Variants in SLC28A1 observed in about 807,000 individuals in gnomAD.
The protein encoded by SLC28A1 is sodium/nucleoside cotransporter 1.
A neutral mutation model predicts 74.8 loss-of-function variants in SLC28A1; 64 were observed. The observed-to-expected ratio is 0.86, with a 90% CI of 0.70 to 1.05. SLC28A1 has a LOEUF of 1.05. SLC28A1 is among the 50% of genes least tolerant of loss of function. The pLI is 0.00. For missense variants in SLC28A1, 828 were observed against 822.8 expected, an observed-to-expected ratio of 1.01 and a Z score of -0.08; for synonymous variants, 359 against 335.0, an observed-to-expected ratio of 1.07 and a Z score of -0.78.
chr15:84,909,812 G>T (rs139416078), intron 9 of SLC28A1, among the ~76,000 whole-genome samples: 1 of 152,224 alleles, frequency 6.6e-6, no homozygotes, highest in Non-Finnish European at 1.5e-5. Context: ...TGGTACATCC[G>T]GGACCGCCAT....
chr15:84,943,293 T>C, intron 15 of SLC28A1, 152 bp from the exon 16 acceptor site: 1 of 673,922 alleles, frequency 1.5e-6, no homozygotes, highest in South Asian at 1.6e-5. Context: ...AGAGGTGGGA[T>C]TGCAAGGCTG....
At chr15:84,931,796 G>A (rs1350950690) in intron 12 of SLC28A1, among the ~76,000 whole-genome samples, 2 of 151,794 alleles carry the variant, frequency 1.3e-5, no homozygotes, top group African/African-American at 2.4e-5. Context: ...GAGGTCAGGA[G>A]TTCGAGACTA....
intron 13 of SLC28A1, among the ~76,000 whole-genome samples, chr15:84,934,338 C>G (rs1971642048): frequency 6.6e-6 from 1 of 152,172 alleles, no homozygotes; most frequent in South Asian, 2.1e-4. Flanking sequence ...CCCCATGCCC[C>G]CATCTCTATG....
At chr15:84,920,548 T>A (rs1439049133) in intron 10 of SLC28A1, among the ~76,000 whole-genome samples, 3 of 152,166 alleles carry the variant, frequency 2.0e-5, no homozygotes, top group African/African-American at 7.2e-5. Context: ...TTCCACAGCA[T>A]GTTAGTAAAT....
chr15:84,917,915 A>G (rs1969337822), intron 9 of SLC28A1, among the ~76,000 whole-genome samples: 1 of 152,150 alleles, frequency 6.6e-6, no homozygotes, highest in Non-Finnish European at 1.5e-5. Flanking sequence ...AGAATGGGTG[A>G]GCTTGGAGTG....
Position 84,945,170 on chromosome 15 carries a change from G to T in SLC28A1, c.1920G>T (p.Arg640=). The T allele has an allele frequency of 1.9e-6, 3 of 1,614,086 alleles. No homozygotes were observed. Among genetic ancestry groups the T allele is most frequent in the Non-Finnish European group, 2.5e-6 (3 of 1,180,004 alleles). Residue 640 remains arginine, a synonymous_variant, in exon 19 of 19, where the codon CGG becomes CGT. Transcript: ENST00000394573. ...FSPEALDNCC[R]FYNHTICAQ ...CAGAGGCCCTGGACAACTGCTGTCG[G>T]TTTTACAACCACACGATCTGTGCAC...
chr15:84,909,801 C>G (rs1967863149), intron 9 of SLC28A1, among the ~76,000 whole-genome samples: 1 of 152,234 alleles, frequency 6.6e-6, no homozygotes. Context: ...GCTGCCCACT[C>G]TGGTACATCC....
intron 9 of SLC28A1, among the ~76,000 whole-genome samples, chr15:84,917,617 A>C (rs1969303408): frequency 6.6e-6 from 1 of 151,468 alleles, no homozygotes; most frequent in African/African-American, 2.4e-5. Context: ...CATAGCATAC[A>C]CTCTTGTGGT....
intron 15 of SLC28A1, 145 bp from the exon 16 acceptor site, chr15:84,943,300 G>C: frequency 2.9e-6 from 2 of 681,578 alleles, no homozygotes; most frequent in South Asian, 3.1e-5. Flanking sequence ...GGATTGCAAG[G>C]CTGGGGAAGC....
the SLC28A1 span, among the ~76,000 whole-genome samples, chr15:84,960,972 G>A: frequency 7.2e-5 from 11 of 152,192 alleles, no homozygotes; most frequent in African/African-American, 2.2e-4. Context: ...CAGAATAGCA[G>A]GGTGAGGGAA....
At chr15:84,953,035 C>T in the SLC28A1 span, among the ~76,000 whole-genome samples, 1 of 152,118 alleles carries the variant, frequency 6.6e-6, no homozygotes, top group Non-Finnish European at 1.5e-5. Context: ...TTTTCAATGC[C>T]ATCGCATCAA....
chr15:84,945,580 C>T lies in SLC28A1; in HGVS notation c.*380C>T, dbSNP rs2079175096. ...GTGGGCTGCACACCAAAGCCTCCTC[C>T]CCTCCCCACTTCCTAGGCACTAGGA... On this transcript the variant is annotated 3_prime_UTR_variant, in exon 19 of 19. Transcript: ENST00000394573. 2 of 317,836 alleles carry T rather than the reference C, an allele frequency of 6.3e-6. No individual in the cohort carries two copies. The highest frequency in any genetic ancestry group is 8.8e-5 in the Admixed American group (2 of 22,724). The allele number at this position is 317,836 out of a possible 1,614,324, so 19.7% of individuals were successfully genotyped here. A position where few individuals can be genotyped will look rare whatever the true frequency, so the allele number is the denominator to read the frequency against.
rs531785179 is a variant in SLC28A1 at position 84,918,623 on chromosome 15, T to C, written c.876+19T>C. ...CCTGAAGGTAAGTTCCCAGTGCCCA[T>C]GGCCAGGGCTCTCCCAGAGTCACCA... On this transcript the variant is annotated intron_variant, in intron 10 of 18. Transcript: ENST00000394573. The C allele has an allele frequency of 1.9e-6, 3 of 1,570,924 alleles. No homozygotes were observed. The highest frequency in any genetic ancestry group is 2.2e-5 in the East Asian group (1 of 44,704).
At chr15:84,975,500 C>T in the SLC28A1 span, 3 of 456,240 alleles carry the variant, frequency 6.6e-6, no homozygotes, top group South Asian at 4.6e-5. Context: ...GTTTCTTGCT[C>T]TTAGGATATT....
chr15:84,975,471 A>G, the SLC28A1 span: 1 of 456,052 alleles, frequency 2.2e-6, no homozygotes, highest in East Asian at 6.9e-5. Context: ...TAGTTCCATT[A>G]GTTATGTTCC....
downstream of SLC28A1, among the ~76,000 whole-genome samples, chr15:84,948,760 G>A (rs77496138): frequency 0.012 from 1,809 of 152,182 alleles, 40 homozygotes; most frequent in African/African-American, 0.042. Context: ...GTTAACCCCC[G>A]ATTCTGCTTG....
downstream of SLC28A1, among the ~76,000 whole-genome samples, chr15:84,949,616 G>A (rs1302909157): frequency 7.2e-6 from 1 of 138,358 alleles, no homozygotes; most frequent in Non-Finnish European, 1.5e-5. Context: ...TCTCTATGTT[G>A]CCCAGGCTGG....
intron 16 of SLC28A1, 32 bp downstream of exon 16, chr15:84,943,558 G>C (rs371487271): frequency 4.4e-5 from 66 of 1,512,360 alleles, no homozygotes; most frequent in Non-Finnish European, 5.9e-5. Context: ...CCAGTGTCTA[G>C]GAGAGTCTGG....
the SLC28A1 span, chr15:84,975,567 A>G: frequency 2.0e-5 from 9 of 456,058 alleles, no homozygotes; most frequent in Non-Finnish European, 4.0e-5. Flanking sequence ...TTCATTGTTA[A>G]GTATCTTGGA....
Sources: allele counts gnomAD v4.1 joint callset (sites outside exome capture counted in the v4.1 genomes callset), GRCh38; gene constraint gnomAD v4.1.1; transcripts MANE v1.5; gene names NCBI Gene and HGNC (gene_info 2026-07-23, HGNC 2026-07-21).